TRPC6: variants seen among roughly 807,000 people sequenced by gnomAD.
TRPC6 encodes the protein transient receptor potential cation channel subfamily C member 6, also known as short transient receptor potential channel 6.
In TRPC6, 55 loss-of-function variants were observed where a neutral mutation model predicts 90.7. That is an observed-to-expected ratio of 0.61 (90% CI 0.49 to 0.76). TRPC6 has a LOEUF of 0.76. Ranked by LOEUF, TRPC6 falls within the 30% of genes least tolerant of loss-of-function variation. The probability of loss-of-function intolerance (pLI) is 0.00; values close to 1 mark genes in which losing one functional copy is unlikely to be tolerated. For synonymous variants in TRPC6, 393 were observed against 393.0 expected, an observed-to-expected ratio of 1.00 and a Z score of 0.00; for missense variants, 989 against 1,122.7, an observed-to-expected ratio of 0.88 and a Z score of 1.70.
intron 1 of TRPC6, among the ~76,000 whole-genome samples, chr11:101,553,500 C>T (rs1861496567): frequency 6.6e-6 from 1 of 152,082 alleles, no homozygotes; most frequent in South Asian, 2.1e-4. Flanking sequence ...TCACCTATCG[C>T]ATCAGCCCCT....
chr11:101,483,592 T>TGA (rs1361510235), intron 4 of TRPC6, among the ~76,000 whole-genome samples: 8 of 152,136 alleles, frequency 5.3e-5, no homozygotes, highest in African/African-American at 1.9e-4. Flanking sequence ...CACATATACT[T>TGA]CATTGACAGG....
intron 4 of TRPC6, among the ~76,000 whole-genome samples, chr11:101,484,067 A>G (rs1859615628): frequency 6.6e-6 from 1 of 152,162 alleles, no homozygotes; most frequent in Admixed American, 6.6e-5. Flanking sequence ...ACTGCTTTTC[A>G]AGTGAGTTTA....
At chr11:101,456,705 A>G (rs2136641663) in intron 10 of TRPC6, among the ~76,000 whole-genome samples, 1 of 152,294 alleles carries the variant, frequency 6.6e-6, no homozygotes, top group Admixed American at 6.5e-5. Context: ...GTATTATCAA[A>G]GGCACCAGAT....
chr11:101,452,726 A>ATTT lies in TRPC6; in HGVS notation c.*228_*229insAAA. The stretch of plus-strand genomic sequence containing the variant: ...CAAGAAAGCAGTTTATAAAACAAGC[A>ATTT]CCAAACAACTGGGCATAATTTTCCT... On this transcript the variant is annotated 3_prime_UTR_variant, in exon 13 of 13. Coordinates refer to ENST00000344327, the MANE Select transcript of TRPC6 (RefSeq NM_004621.6). 1 of 533,108 alleles carries ATTT rather than the reference A, an allele frequency of 1.9e-6. No individual in the cohort carries two copies. The highest frequency in any genetic ancestry group is 3.3e-5 in the East Asian group (1 of 30,726). 33.0% of individuals were successfully genotyped at this position (533,108 alleles called of 1,614,324 possible). A position where few individuals can be genotyped will look rare whatever the true frequency, so the allele number is the denominator to read the frequency against.
chr11:101,519,237 G>T (rs1860594361), intron 1 of TRPC6, among the ~76,000 whole-genome samples: 1 of 152,054 alleles, frequency 6.6e-6, no homozygotes, highest in African/African-American at 2.4e-5. Context: ...TGAGGGGATG[G>T]ATACCCCATT....
At chr11:101,512,186 C>T (rs765605263) in intron 1 of TRPC6, among the ~76,000 whole-genome samples, 6 of 152,080 alleles carry the variant, frequency 3.9e-5, no homozygotes, top group Admixed American at 2.0e-4. Context: ...ATTCTCCTCA[C>T]GAACTCTTCT....
chr11:101,524,587 T>C (rs1860735950), intron 1 of TRPC6, among the ~76,000 whole-genome samples: 1 of 152,244 alleles, frequency 6.6e-6, no homozygotes, highest in African/African-American at 2.4e-5. Context: ...AAATCACAAA[T>C]GTAATTCTAC....
In TRPC6 at chr11:101,469,494, T is replaced by G. The variant is rs764332573; in HGVS notation, c.2417A>C (p.Glu806Ala). 3.9e-6 allele frequency: 3 copies of G among 762,948 alleles called. No homozygotes were observed. The highest frequency in any genetic ancestry group is 2.5e-6 in the Non-Finnish European group (1 of 408,102). 47.3% of individuals were successfully genotyped at this position (762,948 alleles called of 1,614,324 possible). A position where few individuals can be genotyped will look rare whatever the true frequency, so the allele number is the denominator to read the frequency against. The change falls in exon 10 of 13, where the codon GAA becomes GCA. Residue 806 changes from glutamate (E) to alanine (A), a missense_variant. By Grantham distance (107) the Glu-to-Ala change is moderately radical. Around this residue, in one of 4 missense-constraint regions of TRPC6, gnomAD observed 191 missense variants for 196.7 expected, o/e 0.97. Transcript: ENST00000344327. ...TCCTAAAATTCCAAGTTTCTTTTCT[T>G]CATTTATCTTTTAAAGATAGATAGT... ...QEDAEMNKIN[E>A]EKKLGILGSH...
intron 1 of TRPC6, among the ~76,000 whole-genome samples, chr11:101,567,461 G>C (rs192414935): frequency 2.6e-5 from 4 of 152,316 alleles, no homozygotes; most frequent in East Asian, 3.9e-4. Context: ...AAACGTCCCT[G>C]CCAGGCAGCT....
rs10639907 is a variant in TRPC6, at chr11:101,485,126, TAC to T, written c.1294-1963_1294-1962del. On this transcript the variant is annotated intron_variant, in intron 4 of 12. Coordinates refer to ENST00000344327, the MANE Select transcript of TRPC6 (RefSeq NM_004621.6). ...CCCACATATACAGAGGGCCAAAGAA[TAC>T]ACACACACACACACACACACACACA... 2.8e-3 allele frequency among the ~76,000 whole-genome samples: 399 copies of T among 143,468 alleles called. 2 individuals carry two copies. The highest frequency in any genetic ancestry group is 0.014 in the East Asian group (70 of 4,846). 94.1% of individuals were successfully genotyped at this position (143,468 alleles called of 152,430 possible). A position where few individuals can be genotyped will look rare whatever the true frequency, so the allele number is the denominator to read the frequency against.
chr11:101,567,182 G>A (rs1396372860), intron 1 of TRPC6, among the ~76,000 whole-genome samples: 2 of 152,106 alleles, frequency 1.3e-5, no homozygotes, highest in African/African-American at 2.4e-5. Flanking sequence ...CTAGGTGGGG[G>A]GAGGGGCGTC....
intron 2 of TRPC6, among the ~76,000 whole-genome samples, chr11:101,503,548 T>G (rs1298863319): frequency 6.6e-6 from 1 of 152,208 alleles, no homozygotes; most frequent in African/African-American, 2.4e-5. Flanking sequence ...GTCTCTCTAG[T>G]CAACTGTGAC....
intron 10 of TRPC6, among the ~76,000 whole-genome samples, chr11:101,457,948 T>C (rs545110238): frequency 2.2e-4 from 34 of 152,302 alleles, no homozygotes; most frequent in African/African-American, 7.9e-4. Context: ...CCTTTACTTA[T>C]GATGGGGTTA....
At chr11:101,492,058 T>C (rs570078833) in intron 2 of TRPC6, among the ~76,000 whole-genome samples, 137 of 151,780 alleles carry the variant, frequency 9.0e-4, no homozygotes, top group Middle Eastern at 3.4e-3. Flanking sequence ...CCAGGATGGT[T>C]TCGATCTCCT....
At chr11:101,563,191 C>T (rs117640116) in intron 1 of TRPC6, among the ~76,000 whole-genome samples, 1 of 152,182 alleles carries the variant, frequency 6.6e-6, no homozygotes, top group Non-Finnish European at 1.5e-5. Flanking sequence ...ATAATGAACA[C>T]GTCCACCACT....
At chr11:101,472,064 C>T in intron 8 of TRPC6, 73 bp downstream of exon 8, 1 of 1,417,022 alleles carries the variant, frequency 7.1e-7, no homozygotes, top group South Asian at 1.2e-5. Context: ...TGCTTTCATC[C>T]CCATTGCTGA....
At chr11:101,481,257 T>C (rs1859543469) in intron 5 of TRPC6, among the ~76,000 whole-genome samples, 2 of 152,092 alleles carry the variant, frequency 1.3e-5, no homozygotes, top group South Asian at 2.1e-4. Context: ...GGGGAGGGAA[T>C]GGAGAAGCCT....
chr11:101,475,915 T>C (rs988502518), intron 6 of TRPC6, among the ~76,000 whole-genome samples: 1 of 128,138 alleles, frequency 7.8e-6, no homozygotes, highest in Admixed American at 7.5e-5. Context: ...CACACACGTG[T>C]ATATATACAT....
intron 1 of TRPC6, among the ~76,000 whole-genome samples, chr11:101,517,770 C>T (rs77250557): frequency 0.011 from 1,680 of 152,264 alleles, 37 homozygotes; most frequent in African/African-American, 0.038. Flanking sequence ...TACAAACTAA[C>T]TTGCCCAATG....
Sources: allele counts gnomAD v4.1 joint callset (sites outside exome capture counted in the v4.1 genomes callset), GRCh38; gene constraint gnomAD v4.1.1; regional missense constraint gnomAD v4.1.1; transcripts MANE v1.5; gene names NCBI Gene and HGNC (gene_info 2026-07-23, HGNC 2026-07-21).